The following NCAM1 variants were observed in gnomAD, a reference collection of about 807,000 sequenced individuals.
The protein encoded by NCAM1 is neural cell adhesion molecule 1.
A neutral mutation model predicts 109.8 loss-of-function variants in NCAM1; 14 were observed. That is an observed-to-expected ratio of 0.13 (90% CI 0.08 to 0.20). The LOEUF (loss-of-function observed/expected upper bound fraction) is 0.20. NCAM1 is among the 10% of genes least tolerant of loss of function. NCAM1 has a pLI of 1.00. For missense variants in NCAM1, 774 were observed against 1,109.9 expected (o/e 0.70, Z 4.30); for synonymous variants, 418 against 442.9 (o/e 0.94, Z 0.70).
intron 1 of NCAM1, among the ~76,000 whole-genome samples, chr11:113,128,170 C>G (rs547290617): frequency 3.3e-5 from 5 of 152,312 alleles, no homozygotes; most frequent in South Asian, 2.1e-4. Flanking sequence ...GCATCTAATA[C>G]GCTCAGCATC....
chr11:113,164,382 A>G (rs1243551308), intron 1 of NCAM1, among the ~76,000 whole-genome samples: 3 of 152,124 alleles, frequency 2.0e-5, no homozygotes, highest in Non-Finnish European at 4.4e-5. Context: ...ATCATTTCTG[A>G]CACTGTCTAC....
chr11:113,193,853 C>T (rs151283629), intron 1 of NCAM1, among the ~76,000 whole-genome samples: 45 of 152,192 alleles, frequency 3.0e-4, no homozygotes, highest in Admixed American at 7.2e-4. Flanking sequence ...ACCAGAAGCA[C>T]AGGATGCTGT....
At chr11:113,105,187 T>A (rs114867510) in intron 1 of NCAM1, among the ~76,000 whole-genome samples, 11 of 152,166 alleles carry the variant, frequency 7.2e-5, no homozygotes, top group Non-Finnish European at 1.2e-4. Context: ...CTATGTGCAG[T>A]TGAGGTTGGC....
intron 1 of NCAM1, among the ~76,000 whole-genome samples, chr11:112,982,515 C>G (rs782026687): frequency 1.3e-5 from 2 of 151,690 alleles, no homozygotes; most frequent in Non-Finnish European, 2.9e-5. Context: ...AGATTACAGT[C>G]TGGAAAACCA....
intron 18 of NCAM1, 35 bp downstream of exon 18, chr11:113,270,430 G>C (rs1555125078): frequency 6.2e-7 from 1 of 1,604,322 alleles, no homozygotes; most frequent in South Asian, 1.1e-5. Context: ...CTGAGGTTTG[G>C]GCTCTGCTCC....
At chr11:113,240,701 AG>A (rs1945294999) in intron 14 of NCAM1, 3 of 1,274,606 alleles carry the variant, frequency 2.4e-6, no homozygotes, top group Non-Finnish European at 3.4e-6. Context: ...CTGATGCCCC[AG>A]GGTTGTTGCT....
intron 1 of NCAM1, among the ~76,000 whole-genome samples, chr11:113,112,609 G>T (rs936667265): frequency 2.0e-5 from 3 of 152,212 alleles, no homozygotes; most frequent in Admixed American, 6.5e-5. Flanking sequence ...GAAAAAACTG[G>T]ACAGGGCTCA....
chr11:113,214,083 C>T (rs1314123299), intron 7 of NCAM1, among the ~76,000 whole-genome samples: 2 of 152,254 alleles, frequency 1.3e-5, no homozygotes, highest in African/African-American at 2.4e-5. Context: ...CGTTTCCTCT[C>T]GAAGGCTCCA....
intron 1 of NCAM1, among the ~76,000 whole-genome samples, chr11:112,973,231 T>C (rs1950928685): frequency 6.6e-6 from 1 of 152,152 alleles, no homozygotes; most frequent in South Asian, 2.1e-4. Context: ...ATTGATTACT[T>C]TTCTAATGTT....
chr11:113,228,098 G>T (rs2137182000), intron 9 of NCAM1, among the ~76,000 whole-genome samples: 1 of 152,340 alleles, frequency 6.6e-6, no homozygotes, highest in South Asian at 2.1e-4. Flanking sequence ...TCAGGCAAGA[G>T]AAGGAAATAA....
intron 15 of NCAM1, among the ~76,000 whole-genome samples, chr11:113,251,001 A>G (rs1414863565): frequency 6.6e-6 from 1 of 152,172 alleles, no homozygotes; most frequent in East Asian, 1.9e-4. Context: ...GGGTTTCACC[A>G]TGTAGGCCAG....
intron 1 of NCAM1, among the ~76,000 whole-genome samples, chr11:113,195,495 A>ATTT (rs561856662): frequency 7.7e-4 from 66 of 85,594 alleles, no homozygotes; most frequent in Non-Finnish European, 9.0e-4. Flanking sequence ...CCCTTAGTAG[A>ATTT]TTTTTTTTTT....
At chr11:113,087,209 T>A (rs1939131336) in intron 1 of NCAM1, among the ~76,000 whole-genome samples, 1 of 152,226 alleles carries the variant, frequency 6.6e-6, no homozygotes, top group Non-Finnish European at 1.5e-5. Flanking sequence ...TCACAGAGAA[T>A]CATTTTTCAC....
intron 1 of NCAM1, among the ~76,000 whole-genome samples, chr11:113,072,495 A>T (rs1349213592): frequency 1.3e-5 from 2 of 152,168 alleles, no homozygotes; most frequent in Non-Finnish European, 2.9e-5. Flanking sequence ...AGAGAGAGAA[A>T]AAAAAAGCCA....
intron 1 of NCAM1, among the ~76,000 whole-genome samples, chr11:113,049,289 C>T (rs756591570): frequency 1.1e-4 from 16 of 152,130 alleles, no homozygotes; most frequent in Non-Finnish European, 1.9e-4. Flanking sequence ...AACTCCCTGG[C>T]CTTCACTCCA....
chr11:113,029,946 G>A (rs1351109001), intron 1 of NCAM1, among the ~76,000 whole-genome samples: 4 of 152,316 alleles, frequency 2.6e-5, no homozygotes, highest in Non-Finnish European at 5.9e-5. Flanking sequence ...GGGACCCAAA[G>A]AGACTGATTG....
intron 1 of NCAM1, among the ~76,000 whole-genome samples, chr11:113,019,453 G>A (rs1555075860): frequency 2.6e-5 from 4 of 152,142 alleles, no homozygotes; most frequent in African/African-American, 4.8e-5. Context: ...AAGACCTGCC[G>A]ATTTCCACAT....
At chr11:113,226,955 CT>C (rs1944870609) in intron 9 of NCAM1, among the ~76,000 whole-genome samples, 1 of 152,152 alleles carries the variant, frequency 6.6e-6, no homozygotes, top group African/African-American at 2.4e-5. Flanking sequence ...ATTTATAGCA[CT>C]AAATGCCCAC....
chr11:112,985,908 T>G (rs1379809451), intron 1 of NCAM1, among the ~76,000 whole-genome samples: 7 of 151,850 alleles, frequency 4.6e-5, no homozygotes, highest in Admixed American at 1.3e-4. Context: ...ATTTTACTTT[T>G]TCTTGTCTAA....
Sources: allele counts gnomAD v4.1 joint callset (sites outside exome capture counted in the v4.1 genomes callset), GRCh38; gene constraint gnomAD v4.1.1; transcripts MANE v1.5; gene names NCBI Gene and HGNC (gene_info 2026-07-23, HGNC 2026-07-21).